Variants in PAK5 observed in about 807,000 individuals in gnomAD.
The protein encoded by PAK5 is serine/threonine-protein kinase PAK 5.
A neutral mutation model predicts 65.9 loss-of-function variants in PAK5; 16 were observed. The observed-to-expected ratio is 0.24, with a 90% CI of 0.16 to 0.37. The LOEUF (loss-of-function observed/expected upper bound fraction) is 0.37, where lower values mean the gene tolerates loss of function less well. Ranked by LOEUF, PAK5 falls within the 10% of genes least tolerant of loss-of-function variation. PAK5 has a pLI of 1.00. For synonymous variants in PAK5, 371 were observed against 354.9 expected, an observed-to-expected ratio of 1.05 and a Z score of -0.51; for missense variants, 785 against 903.9, an observed-to-expected ratio of 0.87 and a Z score of 1.69.
At chr20:9,707,725 C>T (rs985286752) in intron 2 of PAK5, among the ~76,000 whole-genome samples, 2 of 152,112 alleles carry the variant, frequency 1.3e-5, no homozygotes, top group African/African-American at 4.8e-5. Context: ...GGCTCAGTTG[C>T]CATAAATAAG....
At chr20:9,771,087 G>A (rs1647274196) in intron 1 of PAK5, among the ~76,000 whole-genome samples, 1 of 152,172 alleles carries the variant, frequency 6.6e-6, no homozygotes, top group Admixed American at 6.5e-5. Context: ...AGCAGCCATA[G>A]CAATGACCAA....
intron 1 of PAK5, among the ~76,000 whole-genome samples, chr20:9,756,237 T>C (rs185915031): frequency 2.0e-5 from 3 of 152,328 alleles, no homozygotes; most frequent in African/African-American, 7.2e-5. Flanking sequence ...GAAGATAACC[T>C]TTTCCAGGTT....
intron 3 of PAK5, among the ~76,000 whole-genome samples, chr20:9,607,862 A>G (rs931102051): frequency 2.6e-5 from 4 of 152,186 alleles, no homozygotes; most frequent in East Asian, 1.9e-4. Flanking sequence ...AAGGAGAAAA[A>G]GAAAATGATG....
At chr20:9,764,748 T>A (rs1451653007) in intron 1 of PAK5, among the ~76,000 whole-genome samples, 1 of 152,240 alleles carries the variant, frequency 6.6e-6, no homozygotes, top group Non-Finnish European at 1.5e-5. Context: ...AATGCATTAC[T>A]GGTGGATAAC....
intron 2 of PAK5, among the ~76,000 whole-genome samples, chr20:9,704,449 T>C (rs988912869): frequency 1.3e-5 from 2 of 152,158 alleles, no homozygotes; most frequent in Admixed American, 6.5e-5. Context: ...ACTTAAGCCA[T>C]TTCCCAATTT....
chr20:9,788,748 T>C (rs1045834290), intron 1 of PAK5, among the ~76,000 whole-genome samples: 3 of 152,144 alleles, frequency 2.0e-5, no homozygotes, highest in Non-Finnish European at 4.4e-5. Context: ...CTTCCTATTC[T>C]TCTTGTCTTG....
At chr20:9,656,207 A>G (rs923864585) in intron 2 of PAK5, among the ~76,000 whole-genome samples, 33 of 152,136 alleles carry the variant, frequency 2.2e-4, no homozygotes, top group African/African-American at 8.0e-4. Context: ...AAGCCCCTTA[A>G]TTTCATTTTG....
chr20:9,834,383 T>A (rs1451819014), intron 1 of PAK5, among the ~76,000 whole-genome samples: 2 of 152,188 alleles, frequency 1.3e-5, no homozygotes, highest in Non-Finnish European at 2.9e-5. Flanking sequence ...AGGACAAATT[T>A]AGACAATTAA....
chr20:9,561,123 T>C (rs2045584304), intron 6 of PAK5, among the ~76,000 whole-genome samples: 2 of 152,226 alleles, frequency 1.3e-5, no homozygotes, highest in Admixed American at 1.3e-4. Context: ...ATGGTGTTCC[T>C]TGACACACAA....
chr20:9,809,614 T>C (rs780149209), intron 1 of PAK5, among the ~76,000 whole-genome samples: 8 of 151,726 alleles, frequency 5.3e-5, no homozygotes, highest in Non-Finnish European at 1.2e-4. Flanking sequence ...GTCATTATAG[T>C]TTTTTTAAGA....
intron 3 of PAK5, among the ~76,000 whole-genome samples, chr20:9,634,264 G>C (rs2123237116): frequency 6.6e-6 from 1 of 152,268 alleles, no homozygotes; most frequent in East Asian, 1.9e-4. Flanking sequence ...GTCACTCTGG[G>C]TACCAGGATG....
intron 3 of PAK5, among the ~76,000 whole-genome samples, chr20:9,601,516 A>G (rs962429478): frequency 6.6e-6 from 1 of 152,202 alleles, no homozygotes; most frequent in East Asian, 1.9e-4. Flanking sequence ...AAGAAGTTAC[A>G]AGCATTGACT....
intron 2 of PAK5, among the ~76,000 whole-genome samples, chr20:9,704,610 T>G (rs1012407599): frequency 6.6e-6 from 1 of 152,178 alleles, no homozygotes; most frequent in Non-Finnish European, 1.5e-5. Flanking sequence ...GTATCTTGTC[T>G]GCAACTACTT....
intron 1 of PAK5, among the ~76,000 whole-genome samples, chr20:9,752,301 C>A (rs990072087): frequency 2.6e-5 from 4 of 152,066 alleles, no homozygotes; most frequent in African/African-American, 9.7e-5. Context: ...GGGCAAGGGG[C>A]AGATCACTGT....
chr20:9,657,828 A>G (rs2047289949), intron 2 of PAK5, among the ~76,000 whole-genome samples: 2 of 152,296 alleles, frequency 1.3e-5, no homozygotes, highest in South Asian at 2.1e-4. Flanking sequence ...AGAGAAAATG[A>G]TTTGCCTTGT....
At chr20:9,740,078 T>C (rs1054925709) in intron 1 of PAK5, among the ~76,000 whole-genome samples, 1 of 152,168 alleles carries the variant, frequency 6.6e-6, no homozygotes, top group African/African-American at 2.4e-5. Context: ...AATTTCCAAA[T>C]GTGGAGTCTA....
intron 1 of PAK5, among the ~76,000 whole-genome samples, chr20:9,718,287 C>T (rs1438144707): frequency 6.6e-6 from 1 of 151,994 alleles, no homozygotes; most frequent in Non-Finnish European, 1.5e-5. Context: ...CTTTTTTCCC[C>T]TCCTCACACT....
At chr20:9,810,320 C>A (rs1289831354) in intron 1 of PAK5, among the ~76,000 whole-genome samples, 2 of 152,188 alleles carry the variant, frequency 1.3e-5, no homozygotes, top group Non-Finnish European at 2.9e-5. Flanking sequence ...TGCCTGTAGT[C>A]CAGTTACTTT....
At chr20:9,765,110 A>G (rs1248217057) in intron 1 of PAK5, among the ~76,000 whole-genome samples, 1 of 152,172 alleles carries the variant, frequency 6.6e-6, no homozygotes, top group Non-Finnish European at 1.5e-5. Context: ...AATGAGCCAT[A>G]ACATGATGCT....
Sources: allele counts gnomAD v4.1 joint callset (sites outside exome capture counted in the v4.1 genomes callset), GRCh38; gene constraint gnomAD v4.1.1; transcripts MANE v1.5; gene names NCBI Gene and HGNC (gene_info 2026-07-23, HGNC 2026-07-21).